Variants in TNRC18 observed in about 807,000 individuals in gnomAD.
TNRC18 encodes the protein trinucleotide repeat containing 18.
A neutral mutation model predicts 226.7 loss-of-function variants in TNRC18; 69 were observed. The observed-to-expected ratio is 0.30, with a 90% CI of 0.25 to 0.37. The LOEUF (loss-of-function observed/expected upper bound fraction) is 0.37. TNRC18 is among the 10% of genes least tolerant of loss of function. The pLI, the probability that TNRC18 is intolerant of heterozygous loss-of-function variation, is 1.00. For synonymous variants in TNRC18, 2,449 were observed against 1,927.6 expected (o/e 1.27, Z -7.09); for missense variants, 4,754 against 4,256.6 (o/e 1.12, Z -3.25).
chr7:5,420,940 C>T, intron 2 of TNRC18, 120 bp downstream of exon 2: 1 of 1,271,790 alleles, frequency 7.9e-7, no homozygotes. Context: ...AGTCTGCCCG[C>T]ACCCCCGTGG....
intron 18 of TNRC18, 45 bp downstream of exon 18, chr7:5,345,517 G>GGGGGGGGGGCGCCCCCCCCCCCCCCCC: frequency 2.6e-6 from 1 of 377,744 alleles, no homozygotes; most frequent in Non-Finnish European, 4.8e-6. Flanking sequence ...AATGGCGTCC[G>GGGGGGGGGGCGCCCCCCCCCCCCCCCC]CCCCTCCCAC....
rs752891713 is a variant in TNRC18 at position 5,388,150 on chromosome 7, C to A, written c.1674G>T (p.Leu558=). Residue 558 remains leucine, a synonymous_variant, in exon 5 of 30, where the codon CTG becomes CTT. Transcript: ENST00000430969. ...GGCCGCAGGTGGCCGCCGAGCGGGG[C>A]AGCACAGCCCCAGGGTCCAGGTAGG... ...KKAYLDPGAV[L]PRSAATCGRP... 3 of 1,564,272 alleles carry A rather than the reference C, an allele frequency of 1.9e-6. No individual in the cohort carries two copies. Among genetic ancestry groups the A allele is most frequent in the East Asian group, 2.4e-5 (1 of 41,740 alleles).
chr7:5,360,006 A>G (rs1337512276), intron 14 of TNRC18, among the ~76,000 whole-genome samples: 1 of 151,816 alleles, frequency 6.6e-6, no homozygotes, highest in Non-Finnish European at 1.5e-5. Flanking sequence ...AAAACGAAGA[A>G]GGAGCCACTT....
rs376686580 is a variant in TNRC18, at chr7:5,370,676, C to T, written c.3918G>A (p.Pro1306=). Residue 1306 remains proline, a synonymous_variant, in exon 11 of 30, where the codon CCG becomes CCA. Transcript: ENST00000430969. The part of the protein sequence containing the change: ...CDVPAGEGQC[P]SLEPQEAVPV... ...GCACGGCCTCTTGGGGCTCCAGGCT[C>T]GGGCACTGTCCCTCCCCGGCGGGCA... 6.8e-6 allele frequency: 11 copies of T among 1,612,330 alleles called. No individual in the cohort carries two copies. Among genetic ancestry groups the T allele is most frequent in the East Asian group, 2.2e-5 (1 of 44,864 alleles).
rs532224708 is a variant in TNRC18 at position 5,373,665 on chromosome 7, G to A, written c.3229+390C>T. 5.1e-3 allele frequency among the ~76,000 whole-genome samples: 776 copies of A among 152,296 alleles called. 10 individuals are homozygous for A. The highest frequency in any genetic ancestry group is 0.017 in the African/African-American group (723 of 41,554). On this transcript the variant is annotated intron_variant, in intron 10 of 29. Coordinates refer to ENST00000430969, the MANE Select transcript of TNRC18 (RefSeq NM_001080495.3). ...CTGATGCAGAAGACGGCAAGAGCGGGTGTGTGCATGGGACCCACAGAACGG... is the reference window on the plus strand; with the variant it reads ...CTGATGCAGAAGACGGCAAGAGCGGATGTGTGCATGGGACCCACAGAACGG...
chr7:5,370,667 C>A lies in TNRC18; in HGVS notation c.3927G>T (p.Glu1309Asp). 1 of 1,612,690 alleles carries A rather than the reference C, an allele frequency of 6.2e-7. No homozygotes were observed. Among genetic ancestry groups the A allele is most frequent in the Non-Finnish European group, 8.5e-7 (1 of 1,179,712 alleles). ...PAGEGQCPSL[E>D]PQEAVPVLGS... ...CGAGTACAGGCACGGCCTCTTGGGG[C>A]TCCAGGCTCGGGCACTGTCCCTCCC... Residue 1309 changes from glutamate to aspartate, a missense_variant, in exon 11 of 30, where the codon GAG becomes GAT. Coordinates refer to ENST00000430969, the MANE Select transcript of TNRC18 (RefSeq NM_001080495.3).
intron 17 of TNRC18, among the ~76,000 whole-genome samples, chr7:5,347,433 T>C (rs1791313949): frequency 1.3e-5 from 2 of 150,428 alleles, no homozygotes; most frequent in Non-Finnish European, 3.0e-5. Flanking sequence ...CCTGACCTCA[T>C]GATCTGCCCG....
At chr7:5,383,846 G>C (rs562257551) in intron 5 of TNRC18, among the ~76,000 whole-genome samples, 1 of 151,884 alleles carries the variant, frequency 6.6e-6, no homozygotes, top group East Asian at 1.9e-4. Flanking sequence ...AGACTGGAGC[G>C]CAGTGGTGCA....
chr7:5,359,163 GC>G (rs1792769138), intron 15 of TNRC18, among the ~76,000 whole-genome samples: 1 of 152,172 alleles, frequency 6.6e-6, no homozygotes, highest in African/African-American at 2.4e-5. Flanking sequence ...TAGCTTTTAG[GC>G]CTCCTGTCTC....
intron 2 of TNRC18, chr7:5,420,368 C>T (rs1023874912): frequency 4.4e-6 from 2 of 456,048 alleles, no homozygotes; most frequent in Admixed American, 2.3e-5. Context: ...TTTCGGTGTC[C>T]CTGCCGCACC....
At chr7:5,336,475 G>A (rs1178008844) in intron 18 of TNRC18, among the ~76,000 whole-genome samples, 1 of 152,148 alleles carries the variant, frequency 6.6e-6, no homozygotes, top group Non-Finnish European at 1.5e-5. Context: ...TAGGCACAGT[G>A]GCTCACACCT....
At chr7:5,376,422 G>A (rs972414139) in intron 8 of TNRC18, among the ~76,000 whole-genome samples, 198 bp from the exon 9 acceptor site, 1 of 152,126 alleles carries the variant, frequency 6.6e-6, no homozygotes, top group Non-Finnish European at 1.5e-5. Flanking sequence ...CCAGGCCCGG[G>A]GAACACAGCC....
In TNRC18 at chr7:5,315,079, G is replaced by A; in HGVS notation, c.6932C>T (p.Thr2311Ile). 3.1e-6 allele frequency: 5 copies of A among 1,612,780 alleles called. No homozygotes were observed. The highest frequency in any genetic ancestry group is 4.2e-6 in the Non-Finnish European group (5 of 1,179,564). ...CGTGCCACCATCTTTGCCCTCCCCA[G>A]TGTCTTTGCTGGTCTTCCGGCTGCG... is the stretch of plus-strand genomic sequence containing the variant. ...KRRSRKTSKD[T>I]GEGKDGGTAG... Residue 2311 changes from threonine (T) to isoleucine (I), a missense_variant, in exon 26 of 30, where the codon ACT becomes ATT. Thr to Ile is a moderately conservative substitution (Grantham distance 89). Transcript: ENST00000430969.
intron 17 of TNRC18, among the ~76,000 whole-genome samples, chr7:5,351,343 G>A (rs143944413): frequency 3.3e-5 from 5 of 152,068 alleles, no homozygotes; most frequent in Admixed American, 6.5e-5. Flanking sequence ...CCAAAATCGC[G>A]GTACAAACAT....
chr7:5,312,007 G>A lies in TNRC18; in HGVS notation c.8388+496C>T, dbSNP rs1313949460. On this transcript the variant is annotated intron_variant, in intron 27 of 29. Coordinates refer to ENST00000430969, the MANE Select transcript of TNRC18 (RefSeq NM_001080495.3). This position sits in a 1 kb window ranked among gnomAD's most constrained non-coding sequence, Gnocchi z 6.3. Reference sequence around the variant, plus strand: ...AAAAATTAGCCAGGCGTGGTGGCGTGCGCCTGTAATCCCAGCTACTTGGGA... The same window carrying A: ...AAAAATTAGCCAGGCGTGGTGGCGTACGCCTGTAATCCCAGCTACTTGGGA... Among the ~76,000 whole-genome samples, 1 of 151,836 alleles carries A rather than the reference G, an allele frequency of 6.6e-6. No individual in the cohort carries two copies. The highest frequency in any genetic ancestry group is 2.4e-5 in the African/African-American group (1 of 41,310).
rs749227111 is a variant in TNRC18 at position 5,420,870 on chromosome 7, C to A, written c.187+190G>T. On this transcript the variant is annotated intron_variant, in intron 2 of 29. Coordinates refer to ENST00000430969, the MANE Select transcript of TNRC18 (RefSeq NM_001080495.3). ...CACGCTACGGAAAAGGTAGCCGAGC[C>A]GCGCGACACTCTCCACCGCCTTGGC... is the stretch of plus-strand genomic sequence containing the variant. The A allele has an allele frequency of 5.2e-6, 4 of 766,866 alleles. No homozygotes were observed. The South Asian group carries it at 5.9e-5, about 11-fold the overall frequency. The allele number at this position is 766,866 out of a possible 1,614,324, so 47.5% of individuals were successfully genotyped here. A position where few individuals can be genotyped will look rare whatever the true frequency, so the allele number is the denominator to read the frequency against.
intron 16 of TNRC18, 24 bp downstream of exon 16, chr7:5,356,892 G>T (rs1792478521): frequency 2.0e-6 from 3 of 1,505,824 alleles, no homozygotes; most frequent in Non-Finnish European, 2.7e-6. Flanking sequence ...GCGGACCAGA[G>T]GTGGCGCGGC....
intron 19 of TNRC18, among the ~76,000 whole-genome samples, chr7:5,329,281 C>T (rs1409427804): frequency 1.3e-5 from 2 of 148,748 alleles, no homozygotes; most frequent in Non-Finnish European, 3.0e-5. Flanking sequence ...CCAGTCTGGG[C>T]AGTAGGACAG....
chr7:5,374,747 A>G (rs1476360349), intron 9 of TNRC18, among the ~76,000 whole-genome samples: 1 of 152,204 alleles, frequency 6.6e-6, no homozygotes, highest in Non-Finnish European at 1.5e-5. Flanking sequence ...ACCAGGGCTG[A>G]TGGGGGACCT....
Sources: allele counts gnomAD v4.1 joint callset (sites outside exome capture counted in the v4.1 genomes callset), GRCh38; gene constraint gnomAD v4.1.1; non-coding constraint Gnocchi (gnomAD v3.1); transcripts MANE v1.5; gene names NCBI Gene and HGNC (gene_info 2026-07-23, HGNC 2026-07-21).